Variants in CWF19L2 observed in about 807,000 individuals in gnomAD.
The protein encoded by CWF19L2 is CWF19-like protein 2.
CWF19L2 carries 98 observed loss-of-function variants against 111.7 expected under a neutral mutation model. That is an observed-to-expected ratio of 0.88 (90% CI 0.75 to 1.04). CWF19L2 has a LOEUF of 1.04. Among genes scored for constraint, CWF19L2 ranks in the 50% least tolerant of loss-of-function variants. The pLI, the probability that CWF19L2 is intolerant of heterozygous loss-of-function variation, is 0.00. For missense variants in CWF19L2, 1,101 were observed against 1,051.4 expected, an observed-to-expected ratio of 1.05 and a Z score of -0.65; for synonymous variants, 351 against 342.9, an observed-to-expected ratio of 1.02 and a Z score of -0.26.
At chr11:107,334,996 C>G in intron 15 of CWF19L2, 35 bp from the exon 16 acceptor site, 1 of 1,314,190 alleles carries the variant, frequency 7.6e-7, no homozygotes, top group Non-Finnish European at 1.1e-6. Flanking sequence ...GAAAAAAGAA[C>G]ATGTAAGTAA....
rs192384176 is a variant in CWF19L2, at chr11:107,457,230, A to G, written c.105+482T>C. On this transcript the variant is annotated intron_variant, in intron 1 of 17. Transcript: ENST00000282251. Reference sequence around the variant, plus strand: ...GGTGTTAACTTTTGTTTGGATTGGTAAGAGCTTACAGTAAGTCTGGAATTG... The same window carrying G: ...GGTGTTAACTTTTGTTTGGATTGGTGAGAGCTTACAGTAAGTCTGGAATTG... Among the ~76,000 whole-genome samples the G allele has an allele frequency of 1.6e-3, 247 of 152,330 alleles. 1 individual carries two copies. Among genetic ancestry groups the G allele is most frequent in the African/African-American group, 5.5e-3 (227 of 41,570 alleles).
At chr11:107,403,714 C>A in intron 10 of CWF19L2, 1 of 829,490 alleles carries the variant, frequency 1.2e-6, no homozygotes, top group Non-Finnish European at 2.1e-6. Context: ...CTTGCTCTGC[C>A]GCCTCCTTCT....
At chr11:107,422,037 T>G (rs1861309189) in intron 8 of CWF19L2, among the ~76,000 whole-genome samples, 1 of 151,994 alleles carries the variant, frequency 6.6e-6, no homozygotes, top group Non-Finnish European at 1.5e-5. Context: ...TAAAAAGGAA[T>G]GAACTACTGA....
intron 10 of CWF19L2, among the ~76,000 whole-genome samples, chr11:107,393,140 A>G (rs1860873315): frequency 6.6e-6 from 1 of 152,166 alleles, no homozygotes; most frequent in Non-Finnish European, 1.5e-5. Context: ...AGAAAATTTC[A>G]AATAAAATTT....
intron 10 of CWF19L2, among the ~76,000 whole-genome samples, chr11:107,395,210 TA>T (rs1413363632): frequency 2.0e-5 from 3 of 152,130 alleles, no homozygotes; most frequent in Non-Finnish European, 4.4e-5. Flanking sequence ...CTGACAGTTT[TA>T]AAAACGGGAA....
rs1366264333 is a variant in CWF19L2 at position 107,455,671 on chromosome 11, A to G, written c.211T>C (p.Ser71Pro). 4.5e-6 allele frequency: 7 copies of G among 1,540,772 alleles called. No individual in the cohort carries two copies. Among genetic ancestry groups the G allele is most frequent in the Non-Finnish European group, 6.1e-6 (7 of 1,138,774 alleles). Residue 71 changes from serine (S) to proline (P), a missense_variant, in exon 2 of 18, where the codon TCA becomes CCA. Physicochemically the swap from Ser to Pro is moderately conservative, Grantham distance 74. Coordinates refer to ENST00000282251, the MANE Select transcript of CWF19L2 (RefSeq NM_152434.3). ...PDVNERIEQF[S>P]QEHSVKKKKK... ...GTAAACCTGTTAGTATTCACCTGTG[A>G]GAACTGTTCAATTCTCTCATTCACA...
In CWF19L2 at chr11:107,441,527, T is replaced by C. The variant is rs200234802; in HGVS notation, c.546A>G (p.Gln182=). 100 of 1,544,530 alleles carry C rather than the reference T, an allele frequency of 6.5e-5. No individual in the cohort carries two copies. The highest frequency in any genetic ancestry group is 7.8e-5 in the Non-Finnish European group (89 of 1,144,770). The change falls in exon 5 of 18, where the codon CAA becomes CAG. Residue 182 remains glutamine (Q), a synonymous_variant. Coordinates refer to ENST00000282251, the MANE Select transcript of CWF19L2 (RefSeq NM_152434.3). ...CCTGTTCAAGCGCTTGGTTTTTCTC[T>C]TGCTCTATTTTCCTCATAGTTTCCT... is the stretch of plus-strand genomic sequence containing the variant. ...AEKETMRKIE[Q]EKNQALEQSK... is the part of the protein sequence containing the mutation.
rs1478850093 is a variant in CWF19L2, at chr11:107,374,182, T to A, written c.1872+15892A>T. Among the ~76,000 whole-genome samples, 2 of 132,428 alleles carry A rather than the reference T, an allele frequency of 1.5e-5. 1 individual carries two copies. Among genetic ancestry groups the A allele is most frequent in the African/African-American group, 6.4e-5 (2 of 31,440 alleles). 86.9% of individuals were successfully genotyped at this position (132,428 alleles called of 152,430 possible). A position where few individuals can be genotyped will look rare whatever the true frequency, so the allele number is the denominator to read the frequency against. On this transcript the variant is annotated intron_variant, in intron 12 of 17. Transcript: ENST00000282251. The stretch of plus-strand genomic sequence containing the variant: ...AAGTGACGGGGAGAATGGAACCAAG[T>A]TGGAAAACACTCTGCAGGATATTAT...
At chr11:107,420,818 A>G (rs1565276912) in intron 8 of CWF19L2, among the ~76,000 whole-genome samples, 1 of 152,082 alleles carries the variant, frequency 6.6e-6, no homozygotes, top group Non-Finnish European at 1.5e-5. Context: ...ATACTGTAAT[A>G]TTTTCAGAGC....
intron 12 of CWF19L2, among the ~76,000 whole-genome samples, chr11:107,370,327 A>G (rs1038382324): frequency 1.5e-5 from 2 of 137,526 alleles, no homozygotes; most frequent in Non-Finnish European, 3.1e-5. Context: ...GAGTAAGACA[A>G]GACCCACCAA....
chr11:107,444,092 C>T (rs1267678833), intron 3 of CWF19L2, among the ~76,000 whole-genome samples: 2 of 146,810 alleles, frequency 1.4e-5, no homozygotes, highest in East Asian at 4.0e-4. Context: ...AAGCATTTCC[C>T]ACCCTTTTTT....
At chr11:107,407,498 T>A (rs1300371436) in intron 10 of CWF19L2, among the ~76,000 whole-genome samples, 4 of 152,060 alleles carry the variant, frequency 2.6e-5, no homozygotes, top group Non-Finnish European at 5.9e-5. Flanking sequence ...GGACTCAGTA[T>A]TTTTCATATG....
At chr11:107,359,810 G>A (rs78939708) in intron 12 of CWF19L2, among the ~76,000 whole-genome samples, 73 of 151,996 alleles carry the variant, frequency 4.8e-4, no homozygotes, top group African/African-American at 1.6e-3. Context: ...ACACAACAAC[G>A]ACTCACCGAA....
intron 10 of CWF19L2, among the ~76,000 whole-genome samples, chr11:107,397,448 A>G (rs1860940729): frequency 6.6e-6 from 1 of 151,930 alleles, no homozygotes; most frequent in Non-Finnish European, 1.5e-5. Flanking sequence ...CATAATCCTA[A>G]TAATAGGTAA....
chr11:107,421,002 C>A (rs1169629850), intron 8 of CWF19L2, among the ~76,000 whole-genome samples: 1 of 152,012 alleles, frequency 6.6e-6, no homozygotes. Context: ...ACATTCTTTC[C>A]AAGTGCATAC....
At chr11:107,363,026 G>A (rs998132274) in intron 12 of CWF19L2, among the ~76,000 whole-genome samples, 1 of 152,170 alleles carries the variant, frequency 6.6e-6, no homozygotes, top group Non-Finnish European at 1.5e-5. Context: ...CGTGAAGAAT[G>A]CAGAAGCCTC....
rs139311970 is a variant in CWF19L2 at position 107,428,961 on chromosome 11, C to A, written c.1271G>T (p.Gly424Val). 3.7e-6 allele frequency: 6 copies of A among 1,613,338 alleles called. No homozygotes were observed. The highest frequency in any genetic ancestry group is 5.1e-6 in the Non-Finnish European group (6 of 1,179,748). Residue 424 changes from glycine (G) to valine (V), a missense_variant, in exon 8 of 18, where the codon GGG (glycine) becomes GTG (valine). Coordinates refer to ENST00000282251, the MANE Select transcript of CWF19L2 (RefSeq NM_152434.3). Reference protein sequence around the residue: ...ERLTSWSRSDGRGDKKHSNQK... With the variant: ...ERLTSWSRSDVRGDKKHSNQK... ...ATTTGAATGTTTCTTGTCTCCTCTC[C>A]CATCAGAGCGACTCCATGATGTTAA...
rs768811032 is a variant in CWF19L2 at position 107,439,125 on chromosome 11, G to A, written c.629C>T (p.Pro210Leu). ...PYWKDGGTGL[P>L]PEDCSVSSIT... ...CGATGACACACTACAGTCTTCAGGT[G>A]GAAGACCTGTCCCACCATCCTTCCA... The change falls in exon 6 of 18, where the codon CCA becomes CTA. Residue 210 changes from proline to leucine, a missense_variant. Physicochemically the swap from Pro to Leu is moderately conservative, Grantham distance 98. Coordinates refer to ENST00000282251, the MANE Select transcript of CWF19L2 (RefSeq NM_152434.3). 1 of 1,606,790 alleles carries A rather than the reference G, an allele frequency of 6.2e-7. No individual in the cohort carries two copies. The highest frequency in any genetic ancestry group is 8.5e-7 in the Non-Finnish European group (1 of 1,174,710).
intron 16 of CWF19L2, 68 bp from the exon 17 acceptor site, chr11:107,330,087 C>G: frequency 2.3e-6 from 2 of 866,338 alleles, no homozygotes; most frequent in East Asian, 5.7e-5. Context: ...AATCCCTCCC[C>G]TCTTCTCTGG....
Sources: gnomAD v4.1 joint callset for allele counts (sites outside exome capture counted in the v4.1 genomes callset) on GRCh38, gnomAD v4.1.1 for gene constraint, MANE v1.5 for transcripts, NCBI Gene and HGNC (gene_info 2026-07-23, HGNC 2026-07-21) for gene names.